The following UBE2E2 variants were observed in gnomAD, a reference collection of about 807,000 sequenced individuals.
UBE2E2 encodes the protein ubiquitin conjugating enzyme E2 E2.
Under a neutral mutation model 24.7 loss-of-function variants are expected in UBE2E2, and 6 were observed. The ratio of observed to expected loss-of-function variants is 0.24; its 90% CI spans 0.13 to 0.48. The LOEUF is 0.48. Ranked by LOEUF, UBE2E2 falls within the 20% of genes least tolerant of loss-of-function variation. UBE2E2 has a pLI of 0.99. For synonymous variants in UBE2E2, 104 were observed against 83.6 expected (o/e 1.24, Z -1.33); for missense variants, 169 against 245.0 (o/e 0.69, Z 2.07).
chr3:23,280,119 C>A lies in UBE2E2; in HGVS notation c.227+62807C>A, dbSNP rs1047678358. Among the ~76,000 whole-genome samples the A allele has an allele frequency of 6.6e-6, 1 of 152,116 alleles. No individual in the cohort carries two copies. Among genetic ancestry groups the A allele is most frequent in the Non-Finnish European group, 1.5e-5 (1 of 68,016 alleles). ...AGGTTCAAATTACTGATATCACATT[C>A]TTTTTTGAGGAAGCTTTTATAGAGA... On this transcript the variant is annotated intron_variant, in intron 3 of 5. Coordinates refer to ENST00000396703, the MANE Select transcript of UBE2E2 (RefSeq NM_152653.4). The surrounding 1 kb of genome is among the most constrained non-coding windows in gnomAD (Gnocchi z 4.3).
chr3:23,347,769 C>G (rs1227405827), intron 3 of UBE2E2, among the ~76,000 whole-genome samples: 1 of 152,090 alleles, frequency 6.6e-6, no homozygotes, highest in African/African-American at 2.4e-5. Context: ...TAATCTCCCT[C>G]TCACCAACTA....
intron 3 of UBE2E2, among the ~76,000 whole-genome samples, chr3:23,432,527 T>C (rs1190087936): frequency 6.6e-6 from 1 of 152,026 alleles, no homozygotes; most frequent in Non-Finnish European, 1.5e-5. Context: ...CATTATCAGT[T>C]ATACCTTCTT....
chr3:23,456,582 G>A (rs1008177876), intron 3 of UBE2E2, among the ~76,000 whole-genome samples: 2 of 152,152 alleles, frequency 1.3e-5, no homozygotes, highest in African/African-American at 4.8e-5. Flanking sequence ...AGAGCTCTTC[G>A]GTGACCAGGT....
intron 3 of UBE2E2, among the ~76,000 whole-genome samples, chr3:23,225,796 G>A (rs1475060179): frequency 6.6e-6 from 1 of 152,116 alleles, no homozygotes; most frequent in East Asian, 1.9e-4. Flanking sequence ...GTGGAAATGG[G>A]AAGAGGCTGT....
intron 4 of UBE2E2, among the ~76,000 whole-genome samples, chr3:23,524,811 T>A (rs1259388911): frequency 6.6e-6 from 1 of 151,950 alleles, no homozygotes; most frequent in East Asian, 1.9e-4. Flanking sequence ...TTTAAGTACC[T>A]TTTAAGAGAA....
chr3:23,427,459 CA>C (rs1180248996), intron 3 of UBE2E2, among the ~76,000 whole-genome samples: 2 of 151,664 alleles, frequency 1.3e-5, no homozygotes, highest in Non-Finnish European at 2.9e-5. Flanking sequence ...ATAAAATGCT[CA>C]AAACCACAAA....
intron 4 of UBE2E2, among the ~76,000 whole-genome samples, chr3:23,501,877 C>T (rs1699727641): frequency 6.6e-6 from 1 of 151,890 alleles, no homozygotes; most frequent in Non-Finnish European, 1.5e-5. Context: ...GGAATCCCTC[C>T]ACATAATGAA....
At chr3:23,496,357 T>A (rs1699602138) in intron 3 of UBE2E2, among the ~76,000 whole-genome samples, 1 of 152,126 alleles carries the variant, frequency 6.6e-6, no homozygotes, top group Non-Finnish European at 1.5e-5. Flanking sequence ...CACTGAGAAG[T>A]GAAACATACC....
At chr3:23,283,941 T>C (rs1298499198) in intron 3 of UBE2E2, among the ~76,000 whole-genome samples, 1 of 152,174 alleles carries the variant, frequency 6.6e-6, no homozygotes, top group East Asian at 1.9e-4. Context: ...ACCACTGCTT[T>C]AGATACTTTT....
intron 4 of UBE2E2, among the ~76,000 whole-genome samples, chr3:23,515,125 GTGTGTGTGTGT>G (rs1694699544): frequency 2.6e-5 from 1 of 38,914 alleles, no homozygotes; most frequent in African/African-American, 1.4e-4. Context: ...CTTGGGGTGT[GTGTGTGTGTGT>G]GTGTGTGTGT....
At chr3:23,267,362 A>T (rs1698078158) in intron 3 of UBE2E2, among the ~76,000 whole-genome samples, 1 of 152,226 alleles carries the variant, frequency 6.6e-6, no homozygotes, top group Non-Finnish European at 1.5e-5. Flanking sequence ...ATAAAAAATG[A>T]TAAAGGGGAT....
intron 3 of UBE2E2, among the ~76,000 whole-genome samples, chr3:23,378,503 C>T (rs1269746113): frequency 6.6e-6 from 1 of 152,102 alleles, no homozygotes; most frequent in Non-Finnish European, 1.5e-5. Flanking sequence ...CTGCAGAGAC[C>T]AGCAAGTCAA....
chr3:23,506,858 C>G (rs1198250473), intron 4 of UBE2E2, among the ~76,000 whole-genome samples: 1 of 152,146 alleles, frequency 6.6e-6, no homozygotes, highest in Non-Finnish European at 1.5e-5. Flanking sequence ...ATCTCGAACT[C>G]CTGAGCTCAA....
At chr3:23,338,415 T>TA (rs1297598486) in intron 3 of UBE2E2, among the ~76,000 whole-genome samples, 3 of 152,108 alleles carry the variant, frequency 2.0e-5, no homozygotes, top group African/African-American at 7.2e-5. Flanking sequence ...TGAATGGAGA[T>TA]AAAGAGAAGG....
At chr3:23,561,144 C>A (rs1460490669) in intron 5 of UBE2E2, among the ~76,000 whole-genome samples, 3 of 152,010 alleles carry the variant, frequency 2.0e-5, no homozygotes, top group African/African-American at 4.8e-5. Flanking sequence ...GTCCTTGACC[C>A]CCATCCCTAT....
chr3:23,579,655 GTA>G lies in UBE2E2; in HGVS notation c.509-10078_509-10077del, dbSNP rs1000655500. On this transcript the variant is annotated intron_variant, in intron 5 of 5. Coordinates refer to ENST00000396703, the MANE Select transcript of UBE2E2 (RefSeq NM_152653.4). ...CGCGAAGTTACAGTGAACTACGATC[GTA>G]CCACTGCACTCCAGCCTGGGCAACA... Among the ~76,000 whole-genome samples the G allele has an allele frequency of 2.4e-4, 37 of 151,332 alleles. 1 individual carries two copies. The highest frequency in any genetic ancestry group is 3.4e-3 in the Middle Eastern group (1 of 294).
chr3:23,260,395 A>G (rs1209116699), intron 3 of UBE2E2, among the ~76,000 whole-genome samples: 1 of 152,244 alleles, frequency 6.6e-6, no homozygotes, highest in Non-Finnish European at 1.5e-5. Flanking sequence ...AACCCAGAAA[A>G]TATGAAATGT....
chr3:23,411,946 AC>A (rs1697505371), intron 3 of UBE2E2, among the ~76,000 whole-genome samples: 2 of 152,204 alleles, frequency 1.3e-5, no homozygotes, highest in Non-Finnish European at 2.9e-5. Flanking sequence ...AAACGAAATC[AC>A]AGTTGCTTGT....
Position 23,556,453 on chromosome 3 carries a change from T to TAAA in UBE2E2, c.508+23752_508+23753insAAA, listed in dbSNP as rs1321819270. On this transcript the variant is annotated intron_variant, in intron 5 of 5. Coordinates refer to ENST00000396703, the MANE Select transcript of UBE2E2 (RefSeq NM_152653.4). ...ACCATGCCCAGCCAATAAAATTTAT[T>TAAA]TAAAAAAAAAAAAAAAAAAGCTATA... Among the ~76,000 whole-genome samples, 73 of 68,998 alleles carry TAAA rather than the reference T, an allele frequency of 1.1e-3. 2 individuals are homozygous for TAAA. The highest frequency in any genetic ancestry group is 8.1e-3 in the Middle Eastern group (1 of 124). The allele number at this position is 68,998 out of a possible 152,430, so 45.3% of individuals were successfully genotyped here.
Sources: gnomAD v4.1 joint callset for allele counts (sites outside exome capture counted in the v4.1 genomes callset) on GRCh38, gnomAD v4.1.1 for gene constraint, Gnocchi (gnomAD v3.1) non-coding constraint, MANE v1.5 for transcripts, NCBI Gene and HGNC (gene_info 2026-07-23, HGNC 2026-07-21) for gene names.